PYHIN1: variants seen among roughly 807,000 people sequenced by gnomAD.
PYHIN1 encodes the protein pyrin and HIN domain family member 1.
In PYHIN1, 32 loss-of-function variants were observed where a neutral mutation model predicts 43.7. That is an observed-to-expected ratio of 0.73 (90% confidence interval 0.55 to 0.98). The LOEUF (loss-of-function observed/expected upper bound fraction) is 0.98, where lower values mean the gene tolerates loss of function less well. PYHIN1 is among the 50% of genes least tolerant of loss of function. The probability of loss-of-function intolerance (pLI) is 0.00; values close to 1 mark genes in which losing one functional copy is unlikely to be tolerated. For missense variants in PYHIN1, 588 were observed against 589.5 expected, an observed-to-expected ratio of 1.00 and a Z score of 0.03; for synonymous variants, 205 against 203.1, an observed-to-expected ratio of 1.01 and a Z score of -0.08.
chr1:158,944,867 AC>A lies in PYHIN1; in HGVS notation c.1192-7del. 6.5e-7 allele frequency: 1 copy of A among 1,533,018 alleles called. No homozygotes were observed. Among genetic ancestry groups the A allele is most frequent in the Non-Finnish European group, 8.8e-7 (1 of 1,141,502 alleles). 95.0% of individuals were successfully genotyped at this position (1,533,018 alleles called of 1,614,324 possible). A position where few individuals can be genotyped will look rare whatever the true frequency, so the allele number is the denominator to read the frequency against. On this transcript the variant is annotated splice_polypyrimidine_tract_variant and splice_region_variant and intron_variant, in intron 6 of 8. Transcript: ENST00000368140. ...AAAAACATTAAACAAAAAAATGAAT[AC>A]TTTCAGATACAGAAAAATACAAACC...
At chr1:158,969,368 A>C (rs1244223701) in intron 7 of PYHIN1, among the ~76,000 whole-genome samples, 2 of 151,908 alleles carry the variant, frequency 1.3e-5, no homozygotes, top group Non-Finnish European at 2.9e-5. Context: ...AGGCAACTTG[A>C]AGCTAAGGTA....
At chr1:158,953,229 C>G (rs1477632411) in intron 7 of PYHIN1, among the ~76,000 whole-genome samples, 5 of 140,944 alleles carry the variant, frequency 3.5e-5, no homozygotes, top group South Asian at 2.4e-4. Context: ...CCAGGAAGCT[C>G]GAACTGGGTG....
chr1:158,990,093 T>C, the PYHIN1 span, among the ~76,000 whole-genome samples: 1 of 152,222 alleles, frequency 6.6e-6, no homozygotes, highest in African/African-American at 2.4e-5. Flanking sequence ...CCACTCATGA[T>C]GTGAATATGA....
chr1:158,982,908 A>G, the PYHIN1 span, among the ~76,000 whole-genome samples: 1 of 152,050 alleles, frequency 6.6e-6, no homozygotes, highest in Admixed American at 6.6e-5. Flanking sequence ...GCTATTGTGA[A>G]AGGAACTATG....
At chr1:158,940,288 A>G (rs1461898057) in intron 4 of PYHIN1, 2 of 151,938 alleles carry the variant, frequency 1.3e-5, no homozygotes, top group Non-Finnish European at 2.9e-5. Flanking sequence ...GAACCACTAC[A>G]GCTAAGCAAA....
chr1:158,962,765 C>T (rs1101999), intron 7 of PYHIN1, among the ~76,000 whole-genome samples: 140,173 of 152,172 alleles, frequency 0.92, 65,670 homozygotes, highest in East Asian at 1. Context: ...TACTCTTCAT[C>T]AGACAGGGCT....
chr1:158,979,099 A>G (rs1268794543), downstream of PYHIN1, among the ~76,000 whole-genome samples: 2 of 152,206 alleles, frequency 1.3e-5, no homozygotes, highest in Non-Finnish European at 2.9e-5. Context: ...CAACACTGTT[A>G]GCAACATTAT....
chr1:158,967,752 AC>A (rs999401039), intron 7 of PYHIN1, among the ~76,000 whole-genome samples: 2 of 152,236 alleles, frequency 1.3e-5, no homozygotes, highest in East Asian at 3.9e-4. Flanking sequence ...AGACACATAG[AC>A]CAATGAAACA....
At chr1:158,962,289 AC>A (rs1650366091) in intron 7 of PYHIN1, among the ~76,000 whole-genome samples, 1 of 151,972 alleles carries the variant, frequency 6.6e-6, no homozygotes. Context: ...GCATCTCTAT[AC>A]TTCCCTGGGA....
the PYHIN1 span, among the ~76,000 whole-genome samples, chr1:158,986,053 A>G: frequency 6.8e-3 from 1,028 of 152,060 alleles, 4 homozygotes; most frequent in Middle Eastern, 0.02. Context: ...AAGCTTTTGT[A>G]TTATTTTATT....
intron 7 of PYHIN1, among the ~76,000 whole-genome samples, chr1:158,946,481 G>A (rs573932020): frequency 8.2e-4 from 125 of 152,110 alleles, no homozygotes; most frequent in Non-Finnish European, 1.4e-3. Flanking sequence ...AACTTATGCA[G>A]ACTACAAAAC....
chr1:158,973,089 G>A (rs961208391), intron 7 of PYHIN1, among the ~76,000 whole-genome samples: 23 of 151,934 alleles, frequency 1.5e-4, no homozygotes, highest in African/African-American at 4.3e-4. Context: ...AAAGAAAAGG[G>A]GAGTATTAAG....
intron 7 of PYHIN1, among the ~76,000 whole-genome samples, chr1:158,953,763 C>G (rs1362291957): frequency 1.3e-5 from 2 of 152,150 alleles, no homozygotes; most frequent in African/African-American, 4.8e-5. Context: ...ATGACTTTGA[C>G]GAGCTGAGAA....
intron 3 of PYHIN1, 83 bp downstream of exon 3, chr1:158,938,625 C>A: frequency 7.2e-7 from 1 of 1,381,834 alleles, no homozygotes; most frequent in Non-Finnish European, 9.8e-7. Flanking sequence ...GTCCAGCAGG[C>A]AGTTATTTCT....
At chr1:158,956,247 A>T (rs1006551502) in intron 7 of PYHIN1, among the ~76,000 whole-genome samples, 1 of 151,900 alleles carries the variant, frequency 6.6e-6, no homozygotes, top group South Asian at 2.1e-4. Flanking sequence ...TCCCTAACTC[A>T]TTTTATGAGG....
At chr1:158,957,414 T>C (rs1650010635) in intron 7 of PYHIN1, among the ~76,000 whole-genome samples, 2 of 151,940 alleles carry the variant, frequency 1.3e-5, no homozygotes, top group African/African-American at 2.4e-5. Context: ...GAGATATAGA[T>C]CAATGGAACA....
the PYHIN1 span, among the ~76,000 whole-genome samples, chr1:158,990,242 T>C: frequency 6.6e-6 from 1 of 152,178 alleles, no homozygotes; most frequent in African/African-American, 2.4e-5. Context: ...TTGCATTTAA[T>C]AGAAAGAAGA....
At chr1:158,954,534 T>A (rs1329198570) in intron 7 of PYHIN1, among the ~76,000 whole-genome samples, 4 of 151,676 alleles carry the variant, frequency 2.6e-5, no homozygotes, top group Non-Finnish European at 5.9e-5. Context: ...TAAAATACAT[T>A]ACAGACAAGC....
At chr1:158,944,826 G>A in intron 6 of PYHIN1, 49 bp from the exon 7 acceptor site, 2 of 1,344,722 alleles carry the variant, frequency 1.5e-6, no homozygotes, top group Non-Finnish European at 2.0e-6. Context: ...AAGATGTTTT[G>A]CTTTCCCTAA....
Sources: allele counts gnomAD v4.1 joint callset (sites outside exome capture counted in the v4.1 genomes callset), GRCh38; gene constraint gnomAD v4.1.1; transcripts MANE v1.5; gene names NCBI Gene and HGNC (gene_info 2026-07-23, HGNC 2026-07-21).